Variants in CNKSR2 observed in about 807,000 individuals in gnomAD.
CNKSR2 encodes the protein connector enhancer of kinase suppressor of Ras 2, also known as CNK homolog protein 2.
A neutral mutation model predicts 84.4 loss-of-function variants in CNKSR2; 14 were observed. That is an observed-to-expected ratio of 0.17 (90% CI 0.11 to 0.26). CNKSR2 has a LOEUF of 0.26. Among genes scored for constraint, CNKSR2 ranks in the 10% least tolerant of loss-of-function variants. The pLI is 1.00. For missense variants in CNKSR2, 485 were observed against 771.2 expected (o/e 0.63, Z 4.40); for synonymous variants, 275 against 277.9 (o/e 0.99, Z 0.10).
chrX:21,599,204 T>A (rs2092466799), intron 17 of CNKSR2, among the ~76,000 whole-genome samples: 1 of 112,721 alleles, frequency 8.9e-6, no homozygotes, highest in African/African-American at 3.2e-5. Context: ...GTTCAGCACA[T>A]AGCAGACACT....
intron 10 of CNKSR2, 27 bp downstream of exon 10, chrX:21,527,027 C>A: frequency 1.7e-6 from 2 of 1,177,950 alleles, no homozygotes; most frequent in South Asian, 1.8e-5. Context: ...TTGTCCTAGG[C>A]AGCTTCTAGC....
chrX:21,399,282 C>T (rs1483918103), intron 1 of CNKSR2, among the ~76,000 whole-genome samples: 1 of 110,972 alleles, frequency 9.0e-6, no homozygotes, highest in African/African-American at 3.3e-5. Flanking sequence ...AAATAAGTAC[C>T]TATAAAAAAC....
chrX:21,420,100 C>T (rs1359595286), intron 1 of CNKSR2, among the ~76,000 whole-genome samples: 3 of 112,379 alleles, frequency 2.7e-5, no homozygotes, highest in Non-Finnish European at 5.6e-5. Context: ...ATCTGACACT[C>T]AAACCACAAG....
intron 13 of CNKSR2, among the ~76,000 whole-genome samples, chrX:21,579,635 GT>G (rs2092341742): frequency 8.9e-6 from 1 of 111,910 alleles, no homozygotes; most frequent in Non-Finnish European, 1.9e-5. Context: ...GCTATAAAAT[GT>G]TTTTTGATAT....
intron 4 of CNKSR2, among the ~76,000 whole-genome samples, chrX:21,444,521 C>G (rs956416343): frequency 1.8e-5 from 2 of 110,629 alleles, no homozygotes; most frequent in African/African-American, 6.6e-5. Flanking sequence ...AAGTGGATCC[C>G]TACCATTTTT....
At chrX:21,643,414 G>A (rs1220881735) in intron 20 of CNKSR2, 1 of 111,731 alleles carries the variant, frequency 9.0e-6, no homozygotes, top group Non-Finnish European at 1.9e-5. Flanking sequence ...TACATGTTCA[G>A]AGAAAGAAGT....
intron 20 of CNKSR2, among the ~76,000 whole-genome samples, chrX:21,637,796 T>C (rs1479140924): frequency 9.0e-6 from 1 of 111,624 alleles, no homozygotes; most frequent in Non-Finnish European, 1.9e-5. Flanking sequence ...AGCACATACA[T>C]TTAGAAGAAG....
chrX:21,540,743 C>A (rs1158003493), intron 11 of CNKSR2, among the ~76,000 whole-genome samples: 1 of 111,693 alleles, frequency 9.0e-6, no homozygotes, highest in Non-Finnish European at 1.9e-5. Flanking sequence ...CCCAGATCAT[C>A]TGTTTACTCA....
At chrX:21,544,261 A>G (rs1305597243) in intron 11 of CNKSR2, among the ~76,000 whole-genome samples, 2 of 111,343 alleles carry the variant, frequency 1.8e-5, no homozygotes, top group Non-Finnish European at 1.9e-5. Context: ...AGCAGAAGGA[A>G]GATCTTTCAA....
At chrX:21,515,984 G>T (rs766885591) in intron 8 of CNKSR2, among the ~76,000 whole-genome samples, 129 of 111,490 alleles carry the variant, frequency 1.2e-3, no homozygotes, top group Non-Finnish European at 2.3e-3. Context: ...TGTTGCCTTG[G>T]TGTGTCAGTA....
Position 21,652,564 on chromosome X carries a change from G to A in CNKSR2, c.*43G>A, listed in dbSNP as rs747972152. The A allele has an allele frequency of 1.0e-6, 1 of 984,354 alleles. No individual in the cohort carries two copies. The highest frequency in any genetic ancestry group is 2.0e-5 in the South Asian group (1 of 49,251). 81.1% of individuals were successfully genotyped at this position (984,354 alleles called of 1,213,427 possible). ...ACCATCTAGTACCTGCTGGTACTCTGAACAAGTATATAAGGTAGTTTTTAT... is the reference window on the plus strand; with the variant it reads ...ACCATCTAGTACCTGCTGGTACTCTAAACAAGTATATAAGGTAGTTTTTAT... On this transcript the variant is annotated 3_prime_UTR_variant, in exon 22 of 22. Coordinates refer to ENST00000379510, the MANE Select transcript of CNKSR2 (RefSeq NM_014927.5).
intron 20 of CNKSR2, among the ~76,000 whole-genome samples, chrX:21,610,023 G>T (rs2092541971): frequency 8.9e-6 from 1 of 111,767 alleles, no homozygotes; most frequent in Non-Finnish European, 1.9e-5. Context: ...GCAGAGCCTT[G>T]GTTGAATAAC....
intron 8 of CNKSR2, among the ~76,000 whole-genome samples, chrX:21,513,547 T>C: frequency 8.9e-6 from 1 of 111,895 alleles, no homozygotes; most frequent in Non-Finnish European, 1.9e-5. Context: ...ATTAGAATAT[T>C]TTTCATCTCT....
chrX:21,596,970 A>G (rs1032154128), intron 17 of CNKSR2, among the ~76,000 whole-genome samples: 4 of 111,671 alleles, frequency 3.6e-5, no homozygotes, highest in Non-Finnish European at 7.5e-5. Context: ...AGTACTTACT[A>G]TCCATTTTAC....
intron 13 of CNKSR2, among the ~76,000 whole-genome samples, chrX:21,578,767 A>G (rs1337646071): frequency 9.0e-6 from 1 of 111,700 alleles, no homozygotes; most frequent in Non-Finnish European, 1.9e-5. Context: ...ATTGAAGTAC[A>G]ACCAGGGAAC....
intron 2 of CNKSR2, among the ~76,000 whole-genome samples, chrX:21,430,848 A>G (rs961302017): frequency 1.2e-4 from 13 of 112,179 alleles, no homozygotes; most frequent in Non-Finnish European, 2.4e-4. Context: ...CAAATAATCC[A>G]TTCTTAAATG....
chrX:21,525,963 G>C (rs1274731545), intron 9 of CNKSR2, among the ~76,000 whole-genome samples: 2 of 110,890 alleles, frequency 1.8e-5, no homozygotes, highest in Non-Finnish European at 3.8e-5. Context: ...CATAAAACTT[G>C]TGAATTTTAG....
At chrX:21,533,267 A>G (rs752525688) in intron 11 of CNKSR2, among the ~76,000 whole-genome samples, 1 of 110,535 alleles carries the variant, frequency 9.0e-6, no homozygotes, top group African/African-American at 3.3e-5. Flanking sequence ...GTAAACCTAC[A>G]ATATAGAGTA....
intron 20 of CNKSR2, among the ~76,000 whole-genome samples, chrX:21,619,267 T>G (rs2092591383): frequency 8.9e-6 from 1 of 112,255 alleles, no homozygotes; most frequent in African/African-American, 3.2e-5. Context: ...AGATTAATGT[T>G]TCTTTTTATA....
Sources: allele counts gnomAD v4.1 joint callset (sites outside exome capture counted in the v4.1 genomes callset), GRCh38; gene constraint gnomAD v4.1.1; transcripts MANE v1.5; gene names NCBI Gene and HGNC (gene_info 2026-07-23, HGNC 2026-07-21).